The following C5 variants were observed in gnomAD, a reference collection of about 807,000 sequenced individuals.
C5 encodes complement C5.
Under a neutral mutation model 218.8 loss-of-function variants are expected in C5, and 140 were observed. That is an observed-to-expected ratio of 0.64 (90% confidence interval 0.56 to 0.74). The LOEUF (loss-of-function observed/expected upper bound fraction) is 0.74. Ranked by LOEUF, C5 falls within the 30% of genes least tolerant of loss-of-function variation. C5 has a pLI of 0.00. For synonymous variants in C5, 614 were observed against 682.3 expected, an observed-to-expected ratio of 0.90 and a Z score of 1.56; for missense variants, 1,700 against 1,969.6, an observed-to-expected ratio of 0.86 and a Z score of 2.59.
chr9:121,042,580 C>T (rs551069108), intron 3 of C5, among the ~76,000 whole-genome samples: 6 of 152,010 alleles, frequency 3.9e-5, no homozygotes, highest in Non-Finnish European at 7.4e-5. Flanking sequence ...GCAATTAAGT[C>T]TTATATTTGT....
chr9:121,050,874 G>A, upstream of C5, among the ~76,000 whole-genome samples: 1 of 152,130 alleles, frequency 6.6e-6, no homozygotes, highest in East Asian at 1.9e-4. Context: ...AACGCCATGT[G>A]GAGGATGCTG....
At chr9:121,058,797 C>T in the C5 span, among the ~76,000 whole-genome samples, 2 of 152,204 alleles carry the variant, frequency 1.3e-5, no homozygotes, top group African/African-American at 4.8e-5. Context: ...ATATCCCAGT[C>T]CACACATTTT....
chr9:121,035,681 C>T (rs1431197817), intron 4 of C5, among the ~76,000 whole-genome samples: 1 of 151,876 alleles, frequency 6.6e-6, no homozygotes, highest in East Asian at 1.9e-4. Flanking sequence ...GCAATCCTCC[C>T]ACCTCAGCCT....
intron 28 of C5, among the ~76,000 whole-genome samples, chr9:120,979,386 T>C (rs1391578759): frequency 6.6e-6 from 1 of 152,230 alleles, no homozygotes; most frequent in African/African-American, 2.4e-5. Flanking sequence ...TCTATTTTTC[T>C]TCATATCAGC....
chr9:121,063,865 T>G, the C5 span, among the ~76,000 whole-genome samples: 3 of 152,164 alleles, frequency 2.0e-5, no homozygotes, highest in Non-Finnish European at 4.4e-5. Flanking sequence ...TAGTGATTTA[T>G]TCCAGTGAAA....
chr9:120,960,935 T>C (rs1441468784), intron 37 of C5, among the ~76,000 whole-genome samples: 1 of 152,208 alleles, frequency 6.6e-6, no homozygotes, highest in Admixed American at 6.5e-5. Flanking sequence ...TTTATAGCTA[T>C]AAAATGGCAC....
chr9:120,965,447 G>A (rs2046859875), intron 33 of C5, among the ~76,000 whole-genome samples: 1 of 152,076 alleles, frequency 6.6e-6, no homozygotes, highest in Non-Finnish European at 1.5e-5. Context: ...TTGAGGCTGG[G>A]AGGCAGAGGT....
the C5 span, among the ~76,000 whole-genome samples, chr9:121,061,135 C>T: frequency 2.6e-5 from 4 of 152,064 alleles, no homozygotes; most frequent in Non-Finnish European, 4.4e-5. Flanking sequence ...TTGTAGTGAG[C>T]GGAGATCGTG....
the C5 span, among the ~76,000 whole-genome samples, chr9:121,070,390 T>TATAG: frequency 2.4e-4 from 10 of 42,192 alleles, no homozygotes; most frequent in African/African-American, 5.4e-4. Context: ...GGGTGATATA[T>TATAG]ATATATATAT....
chr9:121,046,222 T>C lies in C5; in HGVS notation c.227A>G (p.Glu76Gly), dbSNP rs770633215. Residue 76 changes from glutamate to glycine, a missense_variant, in exon 2 of 41, where the codon GAG becomes GGG. Physicochemically the swap from Glu to Gly is moderately conservative, Grantham distance 98. Transcript: ENST00000223642. ...GATTGCAGAGTTTTGGAATTTATTC[T>C]CTGAGGATAAATGAACATGGCCTGA... Reference protein sequence around the residue: ...YSSGHVHLSSENKFQNSAILT... With the variant: ...YSSGHVHLSSGNKFQNSAILT... The C allele has an allele frequency of 6.2e-7, 1 of 1,601,434 alleles. No individual in the cohort carries two copies. The highest frequency in any genetic ancestry group is 8.5e-7 in the Non-Finnish European group (1 of 1,170,190).
At chr9:120,987,533 G>A (rs1201759240) in intron 25 of C5, among the ~76,000 whole-genome samples, 1 of 150,924 alleles carries the variant, frequency 6.6e-6, no homozygotes, top group Non-Finnish European at 1.5e-5. Flanking sequence ...CAGCTCTCAG[G>A]AGGCTGAGCC....
At chr9:121,054,112 T>TA (rs1199046372), upstream of C5, among the ~76,000 whole-genome samples, 3 of 152,058 alleles carry the variant, frequency 2.0e-5, no homozygotes, top group African/African-American at 7.2e-5. Flanking sequence ...GAAGGGAGGT[T>TA]AGACATGCCT....
At chr9:121,004,168 C>G (rs966808417) in intron 20 of C5, among the ~76,000 whole-genome samples, 2 of 151,652 alleles carry the variant, frequency 1.3e-5, no homozygotes, top group African/African-American at 4.8e-5. Context: ...CGCTCCTGGC[C>G]GAGAAGAGAA....
chr9:120,963,055 G>A, intron 34 of C5, 88 bp from the exon 35 acceptor site: 1 of 996,098 alleles, frequency 1.0e-6, no homozygotes, highest in Non-Finnish European at 1.6e-6. Context: ...GCACAATGCA[G>A]GGATGTGATC....
chr9:121,042,918 T>C, intron 3 of C5, 86 bp downstream of exon 3: 1 of 1,083,918 alleles, frequency 9.2e-7, no homozygotes. Context: ...CGATCTCCAC[T>C]CAATTTCAGG....
intron 20 of C5, among the ~76,000 whole-genome samples, chr9:121,002,335 T>TATATAC (rs2047179041): frequency 2.7e-5 from 3 of 109,446 alleles, no homozygotes; most frequent in South Asian, 3.2e-4. Flanking sequence ...TATATATATA[T>TATATAC]ATATATACAC....
chr9:120,984,543 T>C (rs1219110035), intron 25 of C5, among the ~76,000 whole-genome samples: 4 of 152,106 alleles, frequency 2.6e-5, no homozygotes, highest in African/African-American at 9.7e-5. Context: ...TCTCCACTTA[T>C]CTATACATCT....
intron 33 of C5, among the ~76,000 whole-genome samples, chr9:120,966,583 C>T (rs1408627287): frequency 1.3e-5 from 2 of 152,302 alleles, no homozygotes; most frequent in Non-Finnish European, 2.9e-5. Context: ...CAGAAGTTTG[C>T]TTACACTTCC....
intron 20 of C5, among the ~76,000 whole-genome samples, chr9:121,002,316 G>GTGTGTATATATATATA (rs572345213): frequency 1.1e-5 from 1 of 87,406 alleles, no homozygotes; most frequent in Non-Finnish European, 2.2e-5. Context: ...ATATGTGTGT[G>GTGTGTATATATATATA]TATATATATA....
Sources: gnomAD v4.1 joint callset for allele counts (sites outside exome capture counted in the v4.1 genomes callset) on GRCh38, gnomAD v4.1.1 for gene constraint, MANE v1.5 for transcripts, NCBI Gene and HGNC (gene_info 2026-07-23, HGNC 2026-07-21) for gene names.